The following SYK variants were observed in gnomAD, a reference collection of about 807,000 sequenced individuals.
SYK encodes spleen associated tyrosine kinase.
Under a neutral mutation model 77.8 loss-of-function variants are expected in SYK, and 16 were observed. The observed-to-expected ratio is 0.21, with a 90% CI of 0.14 to 0.31. SYK has a LOEUF of 0.31. Ranked by LOEUF, SYK falls within the 10% of genes least tolerant of loss-of-function variation. The pLI is 1.00. For missense variants in SYK, 529 were observed against 814.4 expected (o/e 0.65, Z 4.26); for synonymous variants, 312 against 308.7 (o/e 1.01, Z -0.11).
At chr9:90,881,473 A>G (rs939134776) in intron 11 of SYK, among the ~76,000 whole-genome samples, 7 of 152,138 alleles carry the variant, frequency 4.6e-5, no homozygotes, top group Non-Finnish European at 7.4e-5. Context: ...TGAGGTCAGG[A>G]GTTCGAGACC....
rs574269406 is a variant in SYK, at chr9:90,883,260, C to T, written c.1581+4307C>T. 6.6e-4 allele frequency among the ~76,000 whole-genome samples: 101 copies of T among 152,214 alleles called. 1 individual carries two copies. The highest frequency in any genetic ancestry group is 1.5e-3 in the South Asian group (7 of 4,818). On this transcript the variant is annotated intron_variant, in intron 11 of 13. Transcript: ENST00000375754. ...AATCACACCCCCTATAGCTGCCTGC[C>T]TACACTGCTCCCCCTGAGAATGTCC...
At chr9:90,849,185 G>T (rs941338994) in intron 3 of SYK, among the ~76,000 whole-genome samples, 1 of 152,214 alleles carries the variant, frequency 6.6e-6, no homozygotes, top group African/African-American at 2.4e-5. Context: ...CTGCCTGGCT[G>T]CCACATCATC....
At chr9:90,814,056 C>G (rs1825200658) in intron 1 of SYK, among the ~76,000 whole-genome samples, 1 of 151,968 alleles carries the variant, frequency 6.6e-6, no homozygotes, top group Non-Finnish European at 1.5e-5. Flanking sequence ...CAGCATGGCA[C>G]CCTCTTTGCA....
intron 13 of SYK, among the ~76,000 whole-genome samples, chr9:90,890,039 C>T (rs1456420427): frequency 6.6e-6 from 1 of 152,208 alleles, no homozygotes; most frequent in Non-Finnish European, 1.5e-5. Flanking sequence ...GATACAAATG[C>T]AAAAACTTTG....
rs1375151385 is a variant in SYK, at chr9:90,898,442, C to G, written c.*2842C>G. The G allele has an allele frequency of 4.5e-6, 1 of 223,470 alleles. No homozygotes were observed. The highest frequency in any genetic ancestry group is 8.9e-6 in the Non-Finnish European group (1 of 112,114). 13.8% of individuals were successfully genotyped at this position (223,470 alleles called of 1,614,324 possible). A position where few individuals can be genotyped will look rare whatever the true frequency, so the allele number is the denominator to read the frequency against. On this transcript the variant is annotated 3_prime_UTR_variant, in exon 14 of 14. Coordinates refer to ENST00000375754, the MANE Select transcript of SYK (RefSeq NM_003177.7). ...GGTCTCCCAGCCCTGCAGAGAGCTC[C>G]CTCCACTGGTTAGCAGTGTGTTGTG...
At chr9:90,877,547 TG>T in intron 9 of SYK, 23 bp from the exon 10 acceptor site, 1 of 1,613,418 alleles carries the variant, frequency 6.2e-7, no homozygotes, top group Non-Finnish European at 8.5e-7. Flanking sequence ...GAAAGTTTCT[TG>T]TGTGTTATGA....
At chr9:90,831,571 G>A (rs1482977639) in intron 1 of SYK, among the ~76,000 whole-genome samples, 1 of 152,110 alleles carries the variant, frequency 6.6e-6, no homozygotes. Flanking sequence ...TTGGGGAGAC[G>A]GAAGGGAAAT....
At chr9:90,817,882 TGA>T (rs1171979799) in intron 1 of SYK, among the ~76,000 whole-genome samples, 37 of 66,872 alleles carry the variant, frequency 5.5e-4, no homozygotes, top group Admixed American at 1.4e-3. Flanking sequence ...TGTGTGTGTG[TGA>T]GAGAGAGAGA....
At chr9:90,878,480 G>C (rs1828027766) in intron 10 of SYK, among the ~76,000 whole-genome samples, 1 of 152,170 alleles carries the variant, frequency 6.6e-6, no homozygotes, top group South Asian at 2.1e-4. Flanking sequence ...AGGATTTGAG[G>C]TGGTGCCTGG....
chr9:90,811,585 G>A (rs1587804634), intron 1 of SYK, among the ~76,000 whole-genome samples: 1 of 152,136 alleles, frequency 6.6e-6, no homozygotes. Flanking sequence ...TTCTACTAGT[G>A]AAAAAGCAAG....
At chr9:90,892,444 G>A (rs1047534002) in intron 13 of SYK, among the ~76,000 whole-genome samples, 8 of 152,146 alleles carry the variant, frequency 5.3e-5, no homozygotes, top group Non-Finnish European at 1.0e-4. Context: ...AGTCCTATCC[G>A]AAACTACAAT....
At chr9:90,878,628 T>A in intron 10 of SYK, 136 bp from the exon 11 acceptor site, 1 of 659,502 alleles carries the variant, frequency 1.5e-6, no homozygotes, top group Non-Finnish European at 2.6e-6. Context: ...CAAAGTTATT[T>A]GTCACCACTC....
chr9:90,874,879 C>T, intron 9 of SYK, 30 bp downstream of exon 9: 1 of 1,611,640 alleles, frequency 6.2e-7, no homozygotes, highest in Non-Finnish European at 8.5e-7. Context: ...CAGCCTCACC[C>T]TCACATGAGC....
intron 6 of SYK, among the ~76,000 whole-genome samples, chr9:90,866,188 C>A (rs1449062202): frequency 4.6e-5 from 7 of 152,194 alleles, no homozygotes; most frequent in Admixed American, 1.3e-4. Context: ...CGTGAGCCAC[C>A]GTGCCCGGCC....
intron 7 of SYK, among the ~76,000 whole-genome samples, chr9:90,873,978 C>T (rs1376587995): frequency 6.6e-6 from 1 of 152,158 alleles, no homozygotes; most frequent in African/African-American, 2.4e-5. Flanking sequence ...CTCACAGAGT[C>T]CCTTGAGTTG....
rs201650753 is a variant in SYK at position 90,887,784 on chromosome 9, C to T, written c.1617C>T (p.Tyr539=). 1.9e-5 allele frequency: 30 copies of T among 1,612,970 alleles called. No individual in the cohort carries two copies. Among genetic ancestry groups the T allele is most frequent in the South Asian group, 1.1e-4 (10 of 90,914 alleles). ...ATGGAAAGTGGCCTGTCAAGTGGTACGCTCCGGAATGCATCAACTACTACA... is the reference window on the plus strand; with the variant it reads ...ATGGAAAGTGGCCTGTCAAGTGGTATGCTCCGGAATGCATCAACTACTACA... ...QTHGKWPVKW[Y]APECINYYKF... is the part of the protein sequence containing the mutation. Residue 539 remains tyrosine (Y), a synonymous_variant, in exon 12 of 14, where the codon TAC becomes TAT. Coordinates refer to ENST00000375754, the MANE Select transcript of SYK (RefSeq NM_003177.7).
intron 9 of SYK, among the ~76,000 whole-genome samples, chr9:90,875,763 T>C (rs1165876046): frequency 6.6e-6 from 1 of 152,224 alleles, no homozygotes; most frequent in Non-Finnish European, 1.5e-5. Context: ...GTATTTCTTT[T>C]GGTCTTTAGA....
chr9:90,880,345 G>C (rs1053599472), intron 11 of SYK, among the ~76,000 whole-genome samples: 2 of 152,218 alleles, frequency 1.3e-5, no homozygotes, highest in Admixed American at 1.3e-4. Flanking sequence ...CCAGGCGAGA[G>C]TACAGCAGGG....
chr9:90,878,650 T>C, intron 10 of SYK, 114 bp from the exon 11 acceptor site: 1 of 823,822 alleles, frequency 1.2e-6, no homozygotes. Context: ...TGAGTTTTGT[T>C]GTTTAAGAAG....
Sources: allele counts gnomAD v4.1 joint callset (sites outside exome capture counted in the v4.1 genomes callset), GRCh38; gene constraint gnomAD v4.1.1; transcripts MANE v1.5; gene names NCBI Gene and HGNC (gene_info 2026-07-23, HGNC 2026-07-21).